Variants in FRMD4B observed in about 807,000 individuals in gnomAD.
The protein encoded by FRMD4B is FERM domain-containing protein 4B.
A neutral mutation model predicts 141.5 loss-of-function variants in FRMD4B; 74 were observed. The observed-to-expected ratio is 0.52, with a 90% CI of 0.43 to 0.63. FRMD4B has a LOEUF of 0.63. Among genes scored for constraint, FRMD4B ranks in the 30% least tolerant of loss-of-function variants. The pLI, the probability that FRMD4B is intolerant of heterozygous loss-of-function variation, is 0.00. For synonymous variants in FRMD4B, 506 were observed against 467.9 expected (o/e 1.08, Z -1.05); for missense variants, 1,366 against 1,253.4 (o/e 1.09, Z -1.36).
At chr3:69,494,950 AGGGGAGT>A (rs943319968) in intron 1 of FRMD4B, among the ~76,000 whole-genome samples, 5 of 127,348 alleles carry the variant, frequency 3.9e-5, no homozygotes, top group African/African-American at 1.2e-4. Flanking sequence ...AGGGGAAGAG[AGGGGAGT>A]GGAGGGGAAG....
intron 5 of FRMD4B, among the ~76,000 whole-genome samples, chr3:69,262,629 T>C (rs2093535381): frequency 6.6e-6 from 1 of 150,712 alleles, no homozygotes; most frequent in Admixed American, 6.6e-5. Context: ...CTGGCTAATT[T>C]TGTATTTTTA....
intron 7 of FRMD4B, among the ~76,000 whole-genome samples, chr3:69,238,010 G>A (rs533690612): frequency 4.7e-4 from 72 of 152,314 alleles, no homozygotes; most frequent in African/African-American, 1.6e-3. Flanking sequence ...AGGATTACAG[G>A]CGTGAGCCAC....
intron 19 of FRMD4B, among the ~76,000 whole-genome samples, chr3:69,187,352 C>G (rs1339174330): frequency 6.6e-6 from 1 of 151,604 alleles, no homozygotes; most frequent in South Asian, 2.1e-4. Context: ...TCGAGACCAC[C>G]CGGACCAACA....
At chr3:69,461,333 G>A (rs1415857448) in intron 1 of FRMD4B, among the ~76,000 whole-genome samples, 2 of 152,236 alleles carry the variant, frequency 1.3e-5, no homozygotes, top group Non-Finnish European at 2.9e-5. Context: ...AAGGTGGGCC[G>A]AGATTGCTTG....
At chr3:69,282,263 T>A (rs913948405) in intron 5 of FRMD4B, among the ~76,000 whole-genome samples, 1 of 152,228 alleles carries the variant, frequency 6.6e-6, no homozygotes, top group Admixed American at 6.5e-5. Context: ...GCGAAAGCTG[T>A]CTGGCAGAGA....
intron 1 of FRMD4B, among the ~76,000 whole-genome samples, chr3:69,464,168 T>A (rs76851638): frequency 6.6e-6 from 1 of 152,228 alleles, no homozygotes; most frequent in Non-Finnish European, 1.5e-5. Context: ...GAATAAATGA[T>A]CAACTGATTT....
chr3:69,230,956 T>C (rs1393404293), intron 7 of FRMD4B, among the ~76,000 whole-genome samples: 1 of 152,206 alleles, frequency 6.6e-6, no homozygotes, highest in Admixed American at 6.5e-5. Context: ...CACTACTTCA[T>C]GTACATAAAG....
At chr3:69,211,287 T>G (rs1218332009) in intron 11 of FRMD4B, among the ~76,000 whole-genome samples, 1 of 152,132 alleles carries the variant, frequency 6.6e-6, no homozygotes, top group Non-Finnish European at 1.5e-5. Flanking sequence ...AAAGAGAGAT[T>G]AAACAACATG....
intron 1 of FRMD4B, among the ~76,000 whole-genome samples, chr3:69,343,783 T>C (rs1702831637): frequency 6.6e-6 from 1 of 151,922 alleles, no homozygotes; most frequent in South Asian, 2.1e-4. Flanking sequence ...TCTCACCACA[T>C]TAGCCAGGCT....
At position 69,483,903 on chromosome 3, in the gene FRMD4B, C is replaced by T. The variant is rs149881108; in HGVS notation, c.-128-51142G>A. On this transcript the variant is annotated intron_variant, in intron 1 of 5. Coordinates refer to the FRMD4B transcript ENST00000459638. The stretch of plus-strand genomic sequence containing the variant: ...CAACAAATAAATAATGAAACCAGAA[C>T]CCTGCTCAGTGAGGTTTTTGTCGGT... Among the ~76,000 whole-genome samples the T allele has an allele frequency of 2.6e-3, 400 of 152,230 alleles. 5 individuals carry two copies. Among genetic ancestry groups the T allele is most frequent in the African/African-American group, 9.3e-3 (388 of 41,518 alleles).
intron 2 of FRMD4B, among the ~76,000 whole-genome samples, chr3:69,398,859 T>C (rs192714860): frequency 2.3e-3 from 354 of 152,318 alleles, no homozygotes; most frequent in Non-Finnish European, 4.3e-3. Context: ...TTCTTGTGTA[T>C]CCATCCTGAC....
At position 69,257,556 on chromosome 3, in the gene FRMD4B, T is replaced by A. The variant is rs192162912; in HGVS notation, c.502-7457A>T. 3.4e-3 allele frequency among the ~76,000 whole-genome samples: 513 copies of A among 152,354 alleles called. 3 individuals carry two copies. Among genetic ancestry groups the A allele is most frequent in the African/African-American group, 0.012 (487 of 41,592 alleles). On this transcript the variant is annotated intron_variant, in intron 5 of 22. Transcript: ENST00000398540. ...GCTTTATACTAACCATGCTAAATAT[T>A]TTATACTAACCTTAATCTTGGCAGC...
At chr3:69,253,566 T>C (rs748471013) in intron 5 of FRMD4B, among the ~76,000 whole-genome samples, 4 of 152,186 alleles carry the variant, frequency 2.6e-5, no homozygotes, top group Admixed American at 6.5e-5. Flanking sequence ...GCAATGAATA[T>C]TAATACTGTG....
chr3:69,526,076 G>A (rs1700927495), intron 1 of FRMD4B, among the ~76,000 whole-genome samples: 1 of 152,114 alleles, frequency 6.6e-6, no homozygotes, highest in South Asian at 2.1e-4. Flanking sequence ...GAATTTCTCT[G>A]CTGAGGACTT....
intron 1 of FRMD4B, among the ~76,000 whole-genome samples, chr3:69,474,184 T>C (rs1428134123): frequency 1.1e-4 from 16 of 152,164 alleles, no homozygotes; most frequent in Non-Finnish European, 1.5e-5. Flanking sequence ...CTTGAATACA[T>C]GTGACAGAAA....
chr3:69,256,116 G>T (rs182708292), intron 5 of FRMD4B, among the ~76,000 whole-genome samples: 18 of 152,092 alleles, frequency 1.2e-4, no homozygotes, highest in South Asian at 6.2e-4. Context: ...AAAAGGTTGG[G>T]GGGGAGGGAC....
chr3:69,326,589 T>A (rs576000724), intron 1 of FRMD4B, among the ~76,000 whole-genome samples: 1 of 152,350 alleles, frequency 6.6e-6, no homozygotes, highest in East Asian at 1.9e-4. Flanking sequence ...CTCTCAAACC[T>A]ACCTGTGAAG....
rs148713450 is a variant in FRMD4B, at chr3:69,350,460, C to A, written c.162+35368G>T. ...CAGTAGAAATACCATTTGACCCAGC[C>A]ATCCCATTACTGCGTATATACCCAA... is the stretch of plus-strand genomic sequence containing the variant. On this transcript the variant is annotated intron_variant, in intron 1 of 22. Coordinates refer to ENST00000398540, the MANE Select transcript of FRMD4B (RefSeq NM_015123.3). 4.3e-3 allele frequency among the ~76,000 whole-genome samples: 662 copies of A among 152,220 alleles called. 5 individuals are homozygous for A. The highest frequency in any genetic ancestry group is 0.015 in the African/African-American group (622 of 41,534).
chr3:69,529,993 T>C (rs569704953), intron 1 of FRMD4B, among the ~76,000 whole-genome samples: 4 of 152,324 alleles, frequency 2.6e-5, no homozygotes, highest in Admixed American at 2.0e-4. Context: ...TGGTCCTTTT[T>C]CCCATGATAA....
Sources: gnomAD v4.1 joint callset for allele counts (sites outside exome capture counted in the v4.1 genomes callset) on GRCh38, gnomAD v4.1.1 for gene constraint, MANE v1.5 for transcripts, NCBI Gene and HGNC (gene_info 2026-07-23, HGNC 2026-07-21) for gene names.